BTBD3: variants seen among roughly 807,000 people sequenced by gnomAD.
BTBD3 encodes the protein BTB/POZ domain-containing protein 3.
BTBD3 carries 14 observed loss-of-function variants against 41.6 expected under a neutral mutation model. The ratio of observed to expected loss-of-function variants is 0.34; its 90% CI spans 0.22 to 0.53. The LOEUF (loss-of-function observed/expected upper bound fraction) is 0.53, where lower values mean the gene tolerates loss of function less well. Ranked by LOEUF, BTBD3 falls within the 20% of genes least tolerant of loss-of-function variation. The pLI, the probability that BTBD3 is intolerant of heterozygous loss-of-function variation, is 0.95. For missense variants in BTBD3, 426 were observed against 654.7 expected, an observed-to-expected ratio of 0.65 and a Z score of 3.81; for synonymous variants, 249 against 233.7, an observed-to-expected ratio of 1.07 and a Z score of -0.60.
chr20:11,891,181 G>GC (rs900475837), intron 1 of BTBD3: 3 of 163,890 alleles, frequency 1.8e-5, no homozygotes, highest in Admixed American at 6.6e-5. Context: ...TTTCCGAGGG[G>GC]GGGGGGGTCC....
At position 11,925,365 on chromosome 20, in the gene BTBD3, T is replaced by G. The variant is rs2057009925; in HGVS notation, c.*1699T>G. On this transcript the variant is annotated 3_prime_UTR_variant, in exon 4 of 4. Coordinates refer to ENST00000378226, the MANE Select transcript of BTBD3 (RefSeq NM_014962.4). The stretch of plus-strand genomic sequence containing the variant: ...CGTATTCACTGTGCCTCTGGGCCAC[T>G]TCTTCCCCTGTAGATGTGGGCTTGT... 6.5e-6 allele frequency: 1 copy of G among 152,718 alleles called. No individual in the cohort carries two copies. Among genetic ancestry groups the G allele is most frequent in the Admixed American group, 6.5e-5 (1 of 15,294 alleles). The allele number at this position is 152,718 out of a possible 1,614,324, so 9.5% of individuals were successfully genotyped here.
upstream of BTBD3, chr20:11,913,653 T>C (rs1281442362): frequency 1.3e-5 from 2 of 152,224 alleles, no homozygotes; most frequent in Non-Finnish European, 2.9e-5. Flanking sequence ...AAACCCCTTA[T>C]ACTTCTGACA....
chr20:11,891,083 G>A (rs1445084094), intron 1 of BTBD3: 11 of 637,516 alleles, frequency 1.7e-5, no homozygotes, highest in African/African-American at 2.0e-5. Flanking sequence ...GGCCGGGCTG[G>A]TGGCCGCAGG....
intron 1 of BTBD3, among the ~76,000 whole-genome samples, chr20:11,905,994 ACCCTG>A (rs1362930127): frequency 6.6e-6 from 1 of 152,156 alleles, no homozygotes; most frequent in Non-Finnish European, 1.5e-5. Flanking sequence ...AATTTACCTC[ACCCTG>A]CCTTCTAAGA....
intron 1 of BTBD3, among the ~76,000 whole-genome samples, chr20:11,898,898 G>A (rs2056806972): frequency 6.6e-6 from 1 of 152,148 alleles, no homozygotes; most frequent in Non-Finnish European, 1.5e-5. Flanking sequence ...CTGGCCAAGT[G>A]CCCTGATTCA....
At chr20:11,899,561 TC>T in intron 1 of BTBD3, among the ~76,000 whole-genome samples, 1 of 152,270 alleles carries the variant, frequency 6.6e-6, no homozygotes, top group African/African-American at 2.4e-5. Context: ...TCTTTTTTTT[TC>T]TAATTGTATT....
chr20:11,911,897 G>A (rs958290412), intron 1 of BTBD3, among the ~76,000 whole-genome samples: 2 of 152,168 alleles, frequency 1.3e-5, no homozygotes, highest in Non-Finnish European at 2.9e-5. Flanking sequence ...TGCACACTGA[G>A]ACACAGTGTG....
At chr20:11,902,970 A>G (rs920253185) in intron 1 of BTBD3, among the ~76,000 whole-genome samples, 2 of 152,134 alleles carry the variant, frequency 1.3e-5, no homozygotes, top group African/African-American at 4.8e-5. Flanking sequence ...CAAATCTCCA[A>G]CTAATTTTCC....
intron 1 of BTBD3, among the ~76,000 whole-genome samples, chr20:11,912,545 T>A (rs2056895477): frequency 6.6e-6 from 1 of 152,200 alleles, no homozygotes; most frequent in South Asian, 2.1e-4. Flanking sequence ...TAGGATGAAA[T>A]GTCAGTAGCT....
intron 3 of BTBD3, among the ~76,000 whole-genome samples, chr20:11,921,951 A>T (rs904218427): frequency 5.9e-5 from 9 of 152,330 alleles, no homozygotes; most frequent in Admixed American, 6.5e-5. Flanking sequence ...CACAGGAATA[A>T]TACATATTTA....
At chr20:11,892,349 C>G (rs1038258371) in intron 1 of BTBD3, 1 of 152,236 alleles carries the variant, frequency 6.6e-6, no homozygotes, top group East Asian at 1.9e-4. Context: ...GCCAGATCCC[C>G]TGTTTTAACT....
rs1302731169 is a variant in BTBD3, at chr20:11,925,467, C to T, written c.*1801C>T. 3 of 152,668 alleles carry T rather than the reference C, an allele frequency of 2.0e-5. No homozygotes were observed. The highest frequency in any genetic ancestry group is 4.4e-5 in the Non-Finnish European group (3 of 68,050). The allele number at this position is 152,668 out of a possible 1,614,324, so 9.5% of individuals were successfully genotyped here. On this transcript the variant is annotated 3_prime_UTR_variant, in exon 4 of 4. Coordinates refer to ENST00000378226, the MANE Select transcript of BTBD3 (RefSeq NM_014962.4). ...TTTTAATCACTCTTGCCATTACCTACATCTATTAGCATAGATGATGAAAAG... is the reference window on the plus strand; with the variant it reads ...TTTTAATCACTCTTGCCATTACCTATATCTATTAGCATAGATGATGAAAAG...
chr20:11,915,027 C>A (rs929070732), upstream of BTBD3, among the ~76,000 whole-genome samples: 3 of 152,176 alleles, frequency 2.0e-5, no homozygotes, highest in African/African-American at 7.2e-5. Context: ...TCGCCTTTCT[C>A]TATTTTAAGT....
chr20:11,901,916 TA>T (rs768857366), intron 1 of BTBD3, among the ~76,000 whole-genome samples: 5 of 152,200 alleles, frequency 3.3e-5, no homozygotes, highest in Admixed American at 6.5e-5. Context: ...ATCAGAATCC[TA>T]CTAAAATGTA....
At chr20:11,912,931 T>G (rs2056897975), upstream of BTBD3, among the ~76,000 whole-genome samples, 1 of 152,258 alleles carries the variant, frequency 6.6e-6, no homozygotes, top group African/African-American at 2.4e-5. Context: ...CAGCTTCTGC[T>G]GACTTTGGGG....
At chr20:11,910,339 A>T (rs903731438) in intron 1 of BTBD3, 2 of 152,250 alleles carry the variant, frequency 1.3e-5, no homozygotes, top group Admixed American at 6.5e-5. Context: ...TAAAGCCAAC[A>T]AATGACCTGG....
In BTBD3 at chr20:11,924,704, T is replaced by C. The variant is rs990164303; in HGVS notation, c.*1038T>C. On this transcript the variant is annotated 3_prime_UTR_variant, in exon 4 of 4. Transcript: ENST00000378226. ...CATTTAATGTAATGAGATACCTTTG[T>C]TCATTTTTTTAAATTTGAAATATAC... 6 of 152,648 alleles carry C rather than the reference T, an allele frequency of 3.9e-5. No individual in the cohort carries two copies. Among genetic ancestry groups the C allele is most frequent in the African/African-American group, 1.4e-4 (6 of 41,448 alleles). 9.5% of individuals were successfully genotyped at this position (152,648 alleles called of 1,614,324 possible). A position where few individuals can be genotyped will look rare whatever the true frequency, so the allele number is the denominator to read the frequency against.
intron 1 of BTBD3, chr20:11,891,081 TG>T: frequency 1.5e-6 from 1 of 667,260 alleles, no homozygotes; most frequent in Non-Finnish European, 1.8e-6. Flanking sequence ...GAGGCCGGGC[TG>T]GTGGCCGCAG....
At chr20:11,906,533 G>A (rs953959246) in intron 1 of BTBD3, among the ~76,000 whole-genome samples, 1 of 151,932 alleles carries the variant, frequency 6.6e-6, no homozygotes, top group Non-Finnish European at 1.5e-5. Context: ...CAAAGTGCTA[G>A]GATTACAGGC....
Sources: allele counts gnomAD v4.1 joint callset (sites outside exome capture counted in the v4.1 genomes callset), GRCh38; gene constraint gnomAD v4.1.1; transcripts MANE v1.5; gene names NCBI Gene and HGNC (gene_info 2026-07-23, HGNC 2026-07-21).